Variants in P4HTM observed in about 807,000 individuals in gnomAD.
The protein encoded by P4HTM is prolyl 4-hydroxylase, transmembrane.
P4HTM carries 33 observed loss-of-function variants against 55.3 expected under a neutral mutation model. The observed-to-expected ratio is 0.60, with a 90% CI of 0.45 to 0.80. P4HTM has a LOEUF of 0.80. P4HTM is among the 30% of genes least tolerant of loss of function. The pLI is 0.00. For missense variants in P4HTM, 542 were observed against 696.5 expected (o/e 0.78, Z 2.50); for synonymous variants, 272 against 286.4 (o/e 0.95, Z 0.51).
intron 7 of P4HTM, 79 bp from the exon 8 acceptor site, chr3:49,005,982 TTGG>T: frequency 1.3e-6 from 2 of 1,560,318 alleles, no homozygotes; most frequent in Non-Finnish European, 1.7e-6. Flanking sequence ...GCATATCTGG[TTGG>T]TTTCCCTTTG....
chr3:48,994,859 G>A (rs2092940960), intron 2 of P4HTM, among the ~76,000 whole-genome samples: 1 of 152,082 alleles, frequency 6.6e-6, no homozygotes, highest in Admixed American at 6.5e-5. Flanking sequence ...GAGTGCAATG[G>A]TACCATCTCG....
chr3:48,991,911 G>A (rs1052663493), intron 2 of P4HTM: 1 of 152,218 alleles, frequency 6.6e-6, no homozygotes, highest in African/African-American at 2.4e-5. Flanking sequence ...TGGGGCCAAA[G>A]TAGAACATCT....
At position 49,006,994 on chromosome 3, in the gene P4HTM, A is replaced by G; in HGVS notation, c.*87A>G. 4 of 1,131,876 alleles carry G rather than the reference A, an allele frequency of 3.5e-6. No homozygotes were observed. Among genetic ancestry groups the G allele is most frequent in the African/African-American group, 1.5e-5 (1 of 65,626 alleles). 70.1% of individuals were successfully genotyped at this position (1,131,876 alleles called of 1,614,324 possible). The stretch of plus-strand genomic sequence containing the variant: ...CTGTCCTTCTGTCCTGCTGCAGACT[A>G]AAGGTCTGGCCAATGTCTTGCCCCA... On this transcript the variant is annotated 3_prime_UTR_variant, in exon 9 of 9. Transcript: ENST00000383729.
At position 49,004,205 on chromosome 3, in the gene P4HTM, A is replaced by G; in HGVS notation, c.832A>G (p.Thr278Ala). The G allele has an allele frequency of 6.5e-7, 1 of 1,549,286 alleles. No individual in the cohort carries two copies. Among genetic ancestry groups the G allele is most frequent in the Middle Eastern group, 2.1e-4 (1 of 4,702 alleles). Residue 278 changes from threonine to alanine, a missense_variant, in exon 5 of 9, where the codon ACC (threonine) becomes GCC (alanine). Coordinates refer to ENST00000383729, the MANE Select transcript of P4HTM (RefSeq NM_177939.3). ...SSELVRNSHH[T>A]WLYQGEGAHH... ...TGAGCTGGTGCGGAACAGCCACCAT[A>G]CCTGGCTCTACCAGGGTGAGGGTGC...
In P4HTM at chr3:49,002,640, GCC is replaced by G; in HGVS notation, c.724+46_724+47del. ...ACAGTCCTATCCCCGTGAGCCTCCT[GCC>G]CACTCCCAGGTGCACAATTTTGAAA... On this transcript the variant is annotated intron_variant, in intron 4 of 8. Transcript: ENST00000383729. This position sits in a 1 kb window ranked among gnomAD's most constrained non-coding sequence, Gnocchi z 4.4. The G allele has an allele frequency of 6.9e-7, 1 of 1,454,452 alleles. No individual in the cohort carries two copies. The highest frequency in any genetic ancestry group is 1.1e-5 in the South Asian group (1 of 88,054). 90.1% of individuals were successfully genotyped at this position (1,454,452 alleles called of 1,614,324 possible). A position where few individuals can be genotyped will look rare whatever the true frequency, so the allele number is the denominator to read the frequency against.
intron 8 of P4HTM, 115 bp from the exon 9 acceptor site, chr3:49,006,572 G>A (rs1274386172): frequency 1.2e-6 from 1 of 803,034 alleles, no homozygotes; most frequent in Non-Finnish European, 2.1e-6. Flanking sequence ...TTAGGTCTGG[G>A]TGTTTGCTAC....
At position 49,001,638 on chromosome 3, in the gene P4HTM, C is replaced by T. The variant is rs766174732; in HGVS notation, c.627+10C>T. The T allele has an allele frequency of 6.2e-7, 1 of 1,606,476 alleles. No homozygotes were observed. The highest frequency in any genetic ancestry group is 8.5e-7 in the Non-Finnish European group (1 of 1,174,776). The stretch of plus-strand genomic sequence containing the variant: ...CCTTCAGCTCCGTGAGGTTGGAATC[C>T]TGGGACCTGAGTAGGCTCAGGGTGG... On this transcript the variant is annotated intron_variant, in intron 3 of 8. Transcript: ENST00000383729.
In P4HTM at chr3:49,004,079, T is replaced by C; in HGVS notation, c.725-19T>C. 1.9e-6 allele frequency: 3 copies of C among 1,549,170 alleles called. No individual in the cohort carries two copies. Among genetic ancestry groups the C allele is most frequent in the South Asian group, 1.2e-5 (1 of 83,608 alleles). On this transcript the variant is annotated intron_variant, in intron 4 of 8. Coordinates refer to ENST00000383729, the MANE Select transcript of P4HTM (RefSeq NM_177939.3). ...CCAATATGGGCTTGGTGGGCATTGA[T>C]GGTGGGTGCCCTGTGCAGGAGTGCT...
At chr3:48,993,502 T>C (rs1405169490) in intron 2 of P4HTM, among the ~76,000 whole-genome samples, 1 of 151,964 alleles carries the variant, frequency 6.6e-6, no homozygotes, top group African/African-American at 2.4e-5. Flanking sequence ...TATATCTAAT[T>C]CATATTGATG....
chr3:49,001,668 GC>G, intron 3 of P4HTM, 40 bp downstream of exon 3: 1 of 1,549,588 alleles, frequency 6.5e-7, no homozygotes, highest in Non-Finnish European at 8.8e-7. Flanking sequence ...GGGTGGGAGT[GC>G]CCAGAATCAC....
chr3:49,001,262 C>T, intron 2 of P4HTM, 176 bp from the exon 3 acceptor site: 1 of 650,164 alleles, frequency 1.5e-6, no homozygotes, highest in Non-Finnish European at 2.8e-6. Context: ...CCAGCCTTTG[C>T]AGGACAACTC....
In P4HTM at chr3:49,006,098, C is replaced by T. The variant is rs2092979353; in HGVS notation, c.1199C>T (p.Thr400Ile). The T allele has an allele frequency of 6.2e-7, 1 of 1,612,936 alleles. No individual in the cohort carries two copies. Among genetic ancestry groups the T allele is most frequent in the Non-Finnish European group, 8.5e-7 (1 of 1,179,962 alleles). Reference sequence around the variant, plus strand: ...CAGGATGACGTGGACCTCCGTGACACACGGAGGCACTGTGACAAGGGAAAC... The same window carrying T: ...CAGGATGACGTGGACCTCCGTGACATACGGAGGCACTGTGACAAGGGAAAC... ...LIQDDVDLRD[T>I]RRHCDKGNLR... Residue 400 changes from threonine to isoleucine, a missense_variant, in exon 8 of 9, where the codon ACA becomes ATA. Physicochemically the swap from Thr to Ile is moderately conservative, Grantham distance 89. Transcript: ENST00000383729.
chr3:49,004,783 C>T lies in P4HTM; in HGVS notation c.888-78C>T, dbSNP rs1485175776. 58 of 1,476,146 alleles carry T rather than the reference C, an allele frequency of 3.9e-5. 1 individual carries two copies. Among genetic ancestry groups the T allele is most frequent in the Non-Finnish European group, 4.9e-5 (53 of 1,092,324 alleles). 91.4% of individuals were successfully genotyped at this position (1,476,146 alleles called of 1,614,324 possible). A position where few individuals can be genotyped will look rare whatever the true frequency, so the allele number is the denominator to read the frequency against. On this transcript the variant is annotated intron_variant, in intron 5 of 8. Coordinates refer to ENST00000383729, the MANE Select transcript of P4HTM (RefSeq NM_177939.3). ...GGTAGGGGCAAAGCTTGTGGCAGGCCTAGGGTCCACCTTGGCCAGCTCCTT... is the reference window on the plus strand; with the variant it reads ...GGTAGGGGCAAAGCTTGTGGCAGGCTTAGGGTCCACCTTGGCCAGCTCCTT...
At chr3:49,005,513 TGCCA>T in intron 6 of P4HTM, 1 of 1,343,910 alleles carries the variant, frequency 7.4e-7, no homozygotes, top group Non-Finnish European at 9.5e-7. Flanking sequence ...TACCTTTCCC[TGCCA>T]GGCCCTTGCT....
intron 2 of P4HTM, chr3:48,996,245 T>G (rs1241028822): frequency 6.6e-6 from 1 of 152,202 alleles, no homozygotes; most frequent in Admixed American, 6.5e-5. Flanking sequence ...ACAATTTTAG[T>G]GTGCGTATCA....
chr3:49,004,589 A>G, intron 5 of P4HTM: 1 of 561,684 alleles, frequency 1.8e-6, no homozygotes, highest in Admixed American at 3.4e-5. Flanking sequence ...TCTTCCAGGG[A>G]GGAGGACCTC....
intron 2 of P4HTM, chr3:48,996,288 T>G (rs2092945371): frequency 1.3e-5 from 2 of 152,238 alleles, no homozygotes; most frequent in Admixed American, 6.5e-5. Context: ...TGTTTTGTTT[T>G]TTGAGACGGA....
rs771631049 is a variant in P4HTM at position 49,006,959 on chromosome 3, AG to A, written c.*56del. On this transcript the variant is annotated 3_prime_UTR_variant, in exon 9 of 9. Transcript: ENST00000383729. ...CGCGGGTCGCCAGTTGCCCAAGATC[AG>A]GGGTCCGGCTGTCCTTCTGTCCTGC... 3.9e-5 allele frequency: 56 copies of A among 1,444,028 alleles called. 1 individual carries two copies. The South Asian group carries it at 6.3e-4, about 16-fold the overall frequency. The allele number at this position is 1,444,028 out of a possible 1,614,324, so 89.5% of individuals were successfully genotyped here.
At chr3:49,003,836 G>T (rs764152227) in intron 4 of P4HTM, 1 of 436,640 alleles carries the variant, frequency 2.3e-6, no homozygotes, top group African/African-American at 2.0e-5. Context: ...ACTCTAATAG[G>T]GGGTGGGCCT....
Sources: allele counts gnomAD v4.1 joint callset (sites outside exome capture counted in the v4.1 genomes callset), GRCh38; gene constraint gnomAD v4.1.1; non-coding constraint Gnocchi (gnomAD v3.1); transcripts MANE v1.5; gene names NCBI Gene and HGNC (gene_info 2026-07-23, HGNC 2026-07-21).